The following NALCN variants were observed in gnomAD, a reference collection of about 807,000 sequenced individuals.
The protein encoded by NALCN is sodium leak channel, non-selective.
In NALCN, 111 loss-of-function variants were observed where a neutral mutation model predicts 225.3. The observed-to-expected ratio is 0.49, with a 90% CI of 0.42 to 0.58. The LOEUF (loss-of-function observed/expected upper bound fraction) is 0.58. Among genes scored for constraint, NALCN ranks in the 20% least tolerant of loss-of-function variants. The pLI, the probability that NALCN is intolerant of heterozygous loss-of-function variation, is 0.00. For missense variants in NALCN, 1,378 were observed against 2,202.4 expected (o/e 0.63, Z 7.49); for synonymous variants, 764 against 769.0 (o/e 0.99, Z 0.11).
At chr13:101,307,530 G>A (rs1305437324) in intron 7 of NALCN, among the ~76,000 whole-genome samples, 2 of 152,204 alleles carry the variant, frequency 1.3e-5, no homozygotes, top group Non-Finnish European at 2.9e-5. Context: ...CGCCTCCACA[G>A]ACTATGTTCT....
chr13:101,402,706 C>T (rs2047508675), intron 1 of NALCN, among the ~76,000 whole-genome samples: 1 of 152,106 alleles, frequency 6.6e-6, no homozygotes, highest in Non-Finnish European at 1.5e-5. Context: ...TGTCCAGCTA[C>T]TAATTTAGAG....
At chr13:101,230,599 C>T (rs189858938) in intron 12 of NALCN, among the ~76,000 whole-genome samples, 1 of 152,232 alleles carries the variant, frequency 6.6e-6, no homozygotes, top group East Asian at 1.9e-4. Flanking sequence ...CTTTCTCTTG[C>T]CTGGAAATGG....
intron 7 of NALCN, among the ~76,000 whole-genome samples, chr13:101,325,761 G>A (rs1342364628): frequency 6.6e-6 from 1 of 152,148 alleles, no homozygotes; most frequent in Admixed American, 6.5e-5. Flanking sequence ...GTGTGGCTAG[G>A]AGACAAGATG....
intron 1 of NALCN, among the ~76,000 whole-genome samples, chr13:101,405,472 C>A (rs975829780): frequency 2.6e-5 from 4 of 152,226 alleles, no homozygotes; most frequent in Non-Finnish European, 5.9e-5. Flanking sequence ...AGCCTCAGAG[C>A]TACTGATACC....
At position 101,055,236 on chromosome 13, in the gene NALCN, C is replaced by T; in HGVS notation, c.*59G>A. ...AATTACAGATTGCTCACTGGACAAT[C>T]AAGGACATTATTAGAAAACGGTTTC... On this transcript the variant is annotated 3_prime_UTR_variant, in exon 44 of 44. Transcript: ENST00000251127. The T allele has an allele frequency of 7.3e-7, 1 of 1,369,638 alleles. No homozygotes were observed. Among genetic ancestry groups the T allele is most frequent in the Non-Finnish European group, 1.0e-6 (1 of 976,388 alleles). The allele number at this position is 1,369,638 out of a possible 1,614,324, so 84.8% of individuals were successfully genotyped here.
At chr13:101,365,871 CTT>C (rs1256473157) in intron 6 of NALCN, among the ~76,000 whole-genome samples, 1 of 152,098 alleles carries the variant, frequency 6.6e-6, no homozygotes, top group Non-Finnish European at 1.5e-5. Context: ...CTATATTAAA[CTT>C]TCATATATTT....
intron 11 of NALCN, among the ~76,000 whole-genome samples, chr13:101,256,795 A>C: frequency 7.7e-6 from 1 of 129,540 alleles, no homozygotes; most frequent in East Asian, 2.2e-4. Flanking sequence ...ATGGAGTCTC[A>C]CTCTGTCACC....
chr13:101,276,610 C>T (rs529366472), intron 10 of NALCN, among the ~76,000 whole-genome samples: 28 of 152,240 alleles, frequency 1.8e-4, no homozygotes, highest in African/African-American at 6.7e-4. Context: ...ATAATTATAG[C>T]TATGATTGTA....
intron 40 of NALCN, among the ~76,000 whole-genome samples, chr13:101,064,381 C>T (rs908220091): frequency 6.6e-6 from 1 of 152,000 alleles, no homozygotes; most frequent in Admixed American, 6.6e-5. Context: ...AATGTTTCCT[C>T]CCAAAAAAAG....
chr13:101,116,815 C>T (rs1478314760), intron 18 of NALCN: 2 of 403,754 alleles, frequency 5.0e-6, no homozygotes, highest in Admixed American at 5.7e-5. Flanking sequence ...AATGTAATCA[C>T]ATTAGCAGAC....
At chr13:101,252,786 A>G (rs1594530882) in intron 11 of NALCN, among the ~76,000 whole-genome samples, 1 of 152,058 alleles carries the variant, frequency 6.6e-6, no homozygotes, top group African/African-American at 2.4e-5. Flanking sequence ...GCTGGGGATA[A>G]TGCTAGGGGG....
chr13:101,106,991 T>C (rs1430600031), intron 22 of NALCN, among the ~76,000 whole-genome samples: 1 of 152,152 alleles, frequency 6.6e-6, no homozygotes. Flanking sequence ...TTCTTCCATG[T>C]TGGTAGGGTA....
intron 15 of NALCN, among the ~76,000 whole-genome samples, chr13:101,174,266 C>T (rs2038867984): frequency 6.6e-6 from 1 of 152,122 alleles, no homozygotes; most frequent in Non-Finnish European, 1.5e-5. Context: ...TTGGAGTTTT[C>T]AATGCCCAAA....
intron 10 of NALCN, among the ~76,000 whole-genome samples, chr13:101,275,584 A>G (rs77783243): frequency 1.1e-3 from 175 of 152,306 alleles, no homozygotes; most frequent in African/African-American, 4.1e-3. Context: ...CTAACAGACC[A>G]CAATAGCGTG....
intron 3 of NALCN, among the ~76,000 whole-genome samples, chr13:101,391,132 T>C (rs1460554505): frequency 1.3e-5 from 2 of 151,086 alleles, no homozygotes; most frequent in Non-Finnish European, 3.0e-5. Flanking sequence ...TTAAAAAAAA[T>C]CAACAAAATG....
Position 101,104,728 on chromosome 13 carries a change from T to C in NALCN, c.2637-78A>G, listed in dbSNP as rs1254438819. The C allele has an allele frequency of 3.0e-5, 47 of 1,592,992 alleles. No individual in the cohort carries two copies. Among genetic ancestry groups the C allele is most frequent in the Non-Finnish European group, 3.9e-5 (45 of 1,166,092 alleles). On this transcript the variant is annotated intron_variant, in intron 23 of 43. Transcript: ENST00000251127. This position sits in a 1 kb window ranked among gnomAD's most constrained non-coding sequence, Gnocchi z 4.2. Reference sequence around the variant, plus strand: ...TAAGAGTTAGAGATGATGGCTTCTGTGGCTCTATCAACATGACTGGTATTT... The same window carrying C: ...TAAGAGTTAGAGATGATGGCTTCTGCGGCTCTATCAACATGACTGGTATTT...
At chr13:101,389,856 C>T (rs902373686) in intron 3 of NALCN, among the ~76,000 whole-genome samples, 2 of 152,136 alleles carry the variant, frequency 1.3e-5, no homozygotes, top group African/African-American at 4.8e-5. Flanking sequence ...CCAAGGCAGG[C>T]GAATCACCTG....
intron 18 of NALCN, among the ~76,000 whole-genome samples, chr13:101,124,341 T>C (rs571688057): frequency 6.6e-6 from 1 of 152,304 alleles, no homozygotes; most frequent in African/African-American, 2.4e-5. Context: ...TAACAGTAAG[T>C]TATTTTCACC....
At chr13:101,333,570 C>T (rs938427454) in intron 7 of NALCN, among the ~76,000 whole-genome samples, 1 of 152,180 alleles carries the variant, frequency 6.6e-6, no homozygotes, top group African/African-American at 2.4e-5. Flanking sequence ...GGCTTTCTCT[C>T]CAGAGAAGGA....
Sources: gnomAD v4.1 joint callset for allele counts (sites outside exome capture counted in the v4.1 genomes callset) on GRCh38, gnomAD v4.1.1 for gene constraint, Gnocchi (gnomAD v3.1) non-coding constraint, MANE v1.5 for transcripts, NCBI Gene and HGNC (gene_info 2026-07-23, HGNC 2026-07-21) for gene names.